NRXN3: variants seen among roughly 807,000 people sequenced by gnomAD.
NRXN3 encodes the protein neurexin 3.
NRXN3 carries 32 observed loss-of-function variants against 137.6 expected under a neutral mutation model. The observed-to-expected ratio is 0.23, with a 90% CI of 0.18 to 0.31. The LOEUF is 0.31. Among genes scored for constraint, NRXN3 ranks in the 10% least tolerant of loss-of-function variants. NRXN3 has a pLI of 1.00. For synonymous variants in NRXN3, 798 were observed against 784.5 expected (o/e 1.02, Z -0.29); for missense variants, 1,574 against 2,062.5 (o/e 0.76, Z 4.59).
At chr14:79,710,872 T>G (rs939127946) in intron 19 of NRXN3, among the ~76,000 whole-genome samples, 2 of 152,122 alleles carry the variant, frequency 1.3e-5, no homozygotes, top group African/African-American at 4.8e-5. Flanking sequence ...AAATAGAAAT[T>G]TTTCTGCTTT....
At chr14:78,792,050 G>C (rs1351113873) in intron 8 of NRXN3, among the ~76,000 whole-genome samples, 1 of 149,226 alleles carries the variant, frequency 6.7e-6, no homozygotes, top group African/African-American at 2.5e-5. Flanking sequence ...GAACAATAAA[G>C]TTAAAAAAAG....
intron 8 of NRXN3, among the ~76,000 whole-genome samples, chr14:78,770,780 G>T (rs887707562): frequency 6.6e-5 from 10 of 152,028 alleles, no homozygotes; most frequent in African/African-American, 1.9e-4. Context: ...AGTAAGTAAG[G>T]CAAGGACATG....
chr14:79,559,410 A>G (rs2097465536), intron 16 of NRXN3, among the ~76,000 whole-genome samples: 1 of 152,146 alleles, frequency 6.6e-6, no homozygotes, highest in Admixed American at 6.6e-5. Flanking sequence ...GTCTCAGAGA[A>G]TAGGGAGACC....
At chr14:78,871,727 T>C (rs1031237534) in intron 10 of NRXN3, among the ~76,000 whole-genome samples, 1 of 152,132 alleles carries the variant, frequency 6.6e-6, no homozygotes, top group African/African-American at 2.4e-5. Flanking sequence ...AGTCTCTATT[T>C]AATCCAATGA....
chr14:79,687,233 C>T (rs1447701891), intron 17 of NRXN3, among the ~76,000 whole-genome samples: 1 of 152,226 alleles, frequency 6.6e-6, no homozygotes, highest in Non-Finnish European at 1.5e-5. Flanking sequence ...CCATCTATCA[C>T]TTACAAGTGG....
Position 79,210,898 on chromosome 14 carries a change from G to T in NRXN3, c.3262+222757G>T, listed in dbSNP as rs181755636. On this transcript the variant is annotated intron_variant, in intron 15 of 20. Transcript: ENST00000335750. ...CCCTATAAAGCTTAGAGAAACACAG[G>T]GCTCTTTAAACGATCCTTTTTCTCT... Among the ~76,000 whole-genome samples the T allele has an allele frequency of 7.6e-4, 115 of 152,040 alleles. 1 individual carries two copies. Among genetic ancestry groups the T allele is most frequent in the Non-Finnish European group, 6.9e-4 (47 of 67,970 alleles).
intron 15 of NRXN3, among the ~76,000 whole-genome samples, chr14:79,011,341 C>G: frequency 6.8e-6 from 1 of 146,054 alleles, no homozygotes; most frequent in East Asian, 2.0e-4. Context: ...CTCACAGGTT[C>G]CTTTTAATGG....
intron 15 of NRXN3, among the ~76,000 whole-genome samples, chr14:79,172,564 T>C (rs2061893006): frequency 6.6e-6 from 1 of 152,108 alleles, no homozygotes; most frequent in Non-Finnish European, 1.5e-5. Flanking sequence ...TACCTAGGAG[T>C]ACATTTAACA....
chr14:79,755,693 T>C (rs1217709310), intron 19 of NRXN3, among the ~76,000 whole-genome samples: 1 of 152,166 alleles, frequency 6.6e-6, no homozygotes, highest in East Asian at 1.9e-4. Flanking sequence ...CATTTACATT[T>C]ACTTGCATGG....
At chr14:78,394,382 G>GT (rs370191117) in intron 4 of NRXN3, among the ~76,000 whole-genome samples, 2 of 151,834 alleles carry the variant, frequency 1.3e-5, no homozygotes, top group Non-Finnish European at 2.9e-5. Context: ...ACATTGATAG[G>GT]TTTTTGAATA....
chr14:79,223,970 G>A (rs1568668157), intron 15 of NRXN3, among the ~76,000 whole-genome samples: 1 of 152,042 alleles, frequency 6.6e-6, no homozygotes, highest in South Asian at 2.1e-4. Flanking sequence ...GTTACCATAT[G>A]TTGGTTCTGA....
rs61995274 is a variant in NRXN3, at chr14:78,990,613, C to T, written c.3262+2472C>T. On this transcript the variant is annotated intron_variant, in intron 15 of 20. Coordinates refer to ENST00000335750, the MANE Select transcript of NRXN3 (RefSeq NM_001330195.2). ...GTCTTGAACTCCTGACCTCGTGATC[C>T]GCCCTCCTCAGCCTCCCAAAGTGCT... 4.4e-3 allele frequency among the ~76,000 whole-genome samples: 669 copies of T among 152,006 alleles called. 8 individuals carry two copies. The highest frequency in any genetic ancestry group is 7.0e-3 in the Non-Finnish European group (475 of 67,964).
rs541676089 is a variant in NRXN3 at position 78,729,679 on chromosome 14, C to A, written c.2044+14540C>A. Among the ~76,000 whole-genome samples the A allele has an allele frequency of 5.9e-5, 9 of 152,256 alleles. No homozygotes were observed. The South Asian group carries it at 1.9e-3, about 32-fold the overall frequency. ...ACCCTAACTCATACCTGCATATTTA[C>A]CCACATGTACAAACACACACACATG... On this transcript the variant is annotated intron_variant, in intron 8 of 20. Coordinates refer to ENST00000335750, the MANE Select transcript of NRXN3 (RefSeq NM_001330195.2).
chr14:79,471,520 T>C (rs2096507688), intron 16 of NRXN3, among the ~76,000 whole-genome samples: 1 of 152,210 alleles, frequency 6.6e-6, no homozygotes, highest in South Asian at 2.1e-4. Context: ...AAAAGCAGTA[T>C]CTTAAGCTCA....
chr14:79,037,744 CGT>C (rs1209067332), intron 15 of NRXN3, among the ~76,000 whole-genome samples: 2 of 127,002 alleles, frequency 1.6e-5, no homozygotes, highest in Non-Finnish European at 3.4e-5. Context: ...GGCCAGTGGG[CGT>C]AAATTCAGTC....
At chr14:78,430,131 G>A (rs1218956882) in intron 4 of NRXN3, among the ~76,000 whole-genome samples, 3 of 152,150 alleles carry the variant, frequency 2.0e-5, no homozygotes, top group South Asian at 2.1e-4. Context: ...CCAGCCACTC[G>A]GGAGGCTAAG....
At chr14:78,600,135 T>C (rs1243419595) in intron 4 of NRXN3, among the ~76,000 whole-genome samples, 2 of 152,182 alleles carry the variant, frequency 1.3e-5, no homozygotes, top group African/African-American at 2.4e-5. Flanking sequence ...AGTTTTGTCC[T>C]GGATTGATGC....
chr14:79,598,303 C>T (rs1242667979), intron 16 of NRXN3, among the ~76,000 whole-genome samples: 1 of 152,164 alleles, frequency 6.6e-6, no homozygotes, highest in African/African-American at 2.4e-5. Context: ...AAAGTCAGGT[C>T]ATGGTTATCA....
chr14:79,364,272 C>A (rs1347044926), intron 15 of NRXN3, among the ~76,000 whole-genome samples: 1 of 152,270 alleles, frequency 6.6e-6, no homozygotes, highest in East Asian at 1.9e-4. Context: ...TCTAATGACC[C>A]CATTGGAAGT....
Sources: allele counts gnomAD v4.1 joint callset (sites outside exome capture counted in the v4.1 genomes callset), GRCh38; gene constraint gnomAD v4.1.1; transcripts MANE v1.5; gene names NCBI Gene and HGNC (gene_info 2026-07-23, HGNC 2026-07-21).